The following HNRNPH3 variants were observed in gnomAD, a reference collection of about 807,000 sequenced individuals.
The protein encoded by HNRNPH3 is heterogeneous nuclear ribonucleoprotein H3.
In HNRNPH3, 7 loss-of-function variants were observed where a neutral mutation model predicts 47.0. The observed-to-expected ratio is 0.15, with a 90% CI of 0.08 to 0.28. The LOEUF (loss-of-function observed/expected upper bound fraction) is 0.28. Ranked by LOEUF, HNRNPH3 falls within the 10% of genes least tolerant of loss-of-function variation. The probability of loss-of-function intolerance (pLI) is 1.00; values close to 1 mark genes in which losing one functional copy is unlikely to be tolerated. For synonymous variants in HNRNPH3, 120 were observed against 143.2 expected (o/e 0.84, Z 1.16); for missense variants, 279 against 449.6 (o/e 0.62, Z 3.43).
At chr10:68,339,971 T>G (rs1018028124) in intron 6 of HNRNPH3, among the ~76,000 whole-genome samples, 3 of 152,180 alleles carry the variant, frequency 2.0e-5, no homozygotes, top group African/African-American at 7.2e-5. Flanking sequence ...AATGAAAGAC[T>G]GATCAGCATA....
In HNRNPH3 at chr10:68,337,455, G is replaced by C. The variant is rs1262700861; in HGVS notation, c.112+122G>C. The C allele has an allele frequency of 1.6e-6, 1 of 630,208 alleles. No individual in the cohort carries two copies. Among genetic ancestry groups the C allele is most frequent in the Admixed American group, 3.0e-5 (1 of 33,770 alleles). 39.0% of individuals were successfully genotyped at this position (630,208 alleles called of 1,614,324 possible). A position where few individuals can be genotyped will look rare whatever the true frequency, so the allele number is the denominator to read the frequency against. ...TTTTAAGTTTAACTATGATAGTCTT[G>C]GTTAATGTATTAAAATAATATGCTC... On this transcript the variant is annotated intron_variant, in intron 2 of 9. Coordinates refer to ENST00000265866, the MANE Select transcript of HNRNPH3 (RefSeq NM_012207.3). The surrounding 1 kb of genome is among the most constrained non-coding windows in gnomAD (Gnocchi z 4.5).
intron 1 of HNRNPH3, among the ~76,000 whole-genome samples, chr10:68,333,279 TC>T (rs2045317708): frequency 1.0e-4 from 2 of 19,342 alleles, no homozygotes; most frequent in South Asian, 1.8e-3. Context: ...TTTTGAACTT[TC>T]GGGGTGGGGG....
chr10:68,338,462 C>T (rs2045650946), intron 3 of HNRNPH3, 41 bp from the exon 4 acceptor site: 3 of 1,338,138 alleles, frequency 2.2e-6, no homozygotes, highest in Middle Eastern at 2.1e-4. Context: ...TACACTAATA[C>T]ATTTATGCTG....
In HNRNPH3 at chr10:68,337,890, A is replaced by C; in HGVS notation, c.145A>C (p.Thr49Pro). The C allele has an allele frequency of 6.2e-7, 1 of 1,613,698 alleles. No homozygotes were observed. The highest frequency in any genetic ancestry group is 8.5e-7 in the Non-Finnish European group (1 of 1,179,638). Residue 49 changes from threonine to proline, a missense_variant, in exon 3 of 10, where the codon ACG becomes CCG. Physicochemically the swap from Thr to Pro is conservative, Grantham distance 38. Around this residue, in one of 2 missense-constraint regions of HNRNPH3, gnomAD observed 40 missense variants for 113.8 expected, o/e 0.35. Coordinates refer to ENST00000265866, the MANE Select transcript of HNRNPH3 (RefSeq NM_012207.3). This position sits in a 1 kb window ranked among gnomAD's most constrained non-coding sequence, Gnocchi z 4.5. ...LEIVPNGITL[T>P]MDYQGRSTGE... Reference sequence around the variant, plus strand: ...AATCGTGCCAAATGGGATAACATTGACGATGGACTACCAGGGGAGAAGCAC... The same window carrying C: ...AATCGTGCCAAATGGGATAACATTGCCGATGGACTACCAGGGGAGAAGCAC...
In HNRNPH3 at chr10:68,338,423, A is replaced by G. The variant is rs1388147088; in HGVS notation, c.252-80A>G. On this transcript the variant is annotated intron_variant, in intron 3 of 9. Transcript: ENST00000265866. The stretch of plus-strand genomic sequence containing the variant: ...GGGTTATGTATCTAGATATAGAAAA[A>G]CTTACTGCATTTTGCCCAGTATCTA... 6.9e-5 allele frequency: 55 copies of G among 800,494 alleles called. No individual in the cohort carries two copies. The East Asian group carries it at 1.5e-3, about 21-fold the overall frequency. The allele number at this position is 800,494 out of a possible 1,614,324, so 49.6% of individuals were successfully genotyped here.
At chr10:68,338,194 C>T (rs1306076069) in intron 3 of HNRNPH3, 198 bp downstream of exon 3, 8 of 478,660 alleles carry the variant, frequency 1.7e-5, no homozygotes, top group Non-Finnish European at 2.9e-5. Flanking sequence ...AGATTGTTTC[C>T]ATTTCTCTGT....
At chr10:68,341,041 G>T (rs1024909627) in intron 6 of HNRNPH3, 133 bp from the exon 7 acceptor site, 2 of 608,520 alleles carry the variant, frequency 3.3e-6, no homozygotes, top group African/African-American at 3.8e-5. Flanking sequence ...CAGAACCTCT[G>T]TAGTTGACTA....
rs762273394 is a variant in HNRNPH3, at chr10:68,342,612, G to C, written c.*558G>C. 1 of 152,502 alleles carries C rather than the reference G, an allele frequency of 6.6e-6. No homozygotes were observed. Among genetic ancestry groups the C allele is most frequent in the Non-Finnish European group, 1.5e-5 (1 of 68,040 alleles). 9.4% of individuals were successfully genotyped at this position (152,502 alleles called of 1,614,324 possible). A position where few individuals can be genotyped will look rare whatever the true frequency, so the allele number is the denominator to read the frequency against. Reference sequence around the variant, plus strand: ...TCAGGCATAGCTCTGAAACATTGATGATCTAAGAGGTATTGATTTCTGAAT... The same window carrying C: ...TCAGGCATAGCTCTGAAACATTGATCATCTAAGAGGTATTGATTTCTGAAT... On this transcript the variant is annotated 3_prime_UTR_variant, in exon 10 of 10. Coordinates refer to ENST00000265866, the MANE Select transcript of HNRNPH3 (RefSeq NM_012207.3).
At chr10:68,340,859 G>A (rs1025328996) in intron 6 of HNRNPH3, among the ~76,000 whole-genome samples, 2 of 151,664 alleles carry the variant, frequency 1.3e-5, no homozygotes, top group Non-Finnish European at 2.9e-5. Flanking sequence ...CTGGAGTGCA[G>A]TGGCGTGATC....
rs962056808 is a variant in HNRNPH3, at chr10:68,338,786, T to A, written c.436+99T>A. 3.0e-6 allele frequency: 3 copies of A among 1,010,254 alleles called. No individual in the cohort carries two copies. The Admixed American group carries it at 8.8e-5, about 30-fold the overall frequency. 62.6% of individuals were successfully genotyped at this position (1,010,254 alleles called of 1,614,324 possible). ...AAATGGCAGTAATTTCAGTACCTAT[T>A]AGGTTTTAAAACCTGTTCATGAAAA... is the stretch of plus-strand genomic sequence containing the variant. On this transcript the variant is annotated intron_variant, in intron 4 of 9. Coordinates refer to ENST00000265866, the MANE Select transcript of HNRNPH3 (RefSeq NM_012207.3).
intron 1 of HNRNPH3, among the ~76,000 whole-genome samples, chr10:68,334,856 T>C (rs1375782489): frequency 6.6e-6 from 1 of 152,194 alleles, no homozygotes; most frequent in Non-Finnish European, 1.5e-5. Flanking sequence ...TAGTAAACTG[T>C]TTTAAGTAGT....
chr10:68,339,293 G>A (rs2045708134), intron 5 of HNRNPH3, 67 bp downstream of exon 5: 3 of 1,579,658 alleles, frequency 1.9e-6, no homozygotes, highest in Non-Finnish European at 2.6e-6. Context: ...CAAGCTCTTA[G>A]TGGTAATATA....
rs1486893450 is a variant in HNRNPH3 at position 68,342,576 on chromosome 10, A to G, written c.*522A>G. The G allele has an allele frequency of 2.0e-5, 3 of 152,544 alleles. No individual in the cohort carries two copies. The highest frequency in any genetic ancestry group is 4.4e-5 in the Non-Finnish European group (3 of 68,182). 9.4% of individuals were successfully genotyped at this position (152,544 alleles called of 1,614,324 possible). ...ATTATTTCTATATTATTATTTTTCA[A>G]ATGTCATTTATCAGGCATAGCTCTG... is the stretch of plus-strand genomic sequence containing the variant. On this transcript the variant is annotated 3_prime_UTR_variant, in exon 10 of 10. Coordinates refer to ENST00000265866, the MANE Select transcript of HNRNPH3 (RefSeq NM_012207.3).
chr10:68,331,906 C>T (rs2045118014), upstream of HNRNPH3: 1 of 152,342 alleles, frequency 6.6e-6, no homozygotes, highest in Non-Finnish European at 1.5e-5. Flanking sequence ...TCTACCTCGC[C>T]CCCAACAGCT....
chr10:68,338,160 A>G (rs2045632112), intron 3 of HNRNPH3, 164 bp downstream of exon 3: 1 of 523,580 alleles, frequency 1.9e-6, no homozygotes, highest in South Asian at 3.7e-5. Flanking sequence ...GTGGGGAATT[A>G]ATGCTAATAG....
chr10:68,337,338 C>T lies in HNRNPH3; in HGVS notation c.112+5C>T, dbSNP rs1321871631. Reference sequence around the variant, plus strand: ...AAATAGTTCAGTTCTTTCAAGGTACCTCTAGTATTAGTCAAAGTTTAGTAG... The same window carrying T: ...AAATAGTTCAGTTCTTTCAAGGTACTTCTAGTATTAGTCAAAGTTTAGTAG... On this transcript the variant is annotated splice_donor_5th_base_variant and intron_variant, in intron 2 of 9. Coordinates refer to ENST00000265866, the MANE Select transcript of HNRNPH3 (RefSeq NM_012207.3). The surrounding 1 kb of genome is among the most constrained non-coding windows in gnomAD (Gnocchi z 4.5). 2 of 1,490,050 alleles carry T rather than the reference C, an allele frequency of 1.3e-6. No individual in the cohort carries two copies. The highest frequency in any genetic ancestry group is 4.5e-5 in the East Asian group (2 of 44,324). The allele number at this position is 1,490,050 out of a possible 1,614,324, so 92.3% of individuals were successfully genotyped here.
chr10:68,341,731 C>A, intron 8 of HNRNPH3, 28 bp from the exon 9 acceptor site: 1 of 1,584,414 alleles, frequency 6.3e-7, no homozygotes, highest in Non-Finnish European at 8.6e-7. Flanking sequence ...CGATGAGTCT[C>A]AATTTTTTTT....
chr10:68,338,864 T>C (rs2045670784), intron 4 of HNRNPH3, 177 bp downstream of exon 4: 1 of 543,836 alleles, frequency 1.8e-6, no homozygotes. Flanking sequence ...TATTGGCACC[T>C]AGAAAACTTA....
intron 6 of HNRNPH3, among the ~76,000 whole-genome samples, chr10:68,340,951 G>A (rs936472503): frequency 6.6e-6 from 1 of 152,130 alleles, no homozygotes; most frequent in African/African-American, 2.4e-5. Context: ...ACAGGCGTGA[G>A]CCACTGCGCC....
Sources: gnomAD v4.1 joint callset for allele counts (sites outside exome capture counted in the v4.1 genomes callset) on GRCh38, gnomAD v4.1.1 for gene constraint, gnomAD v4.1.1 regional missense constraint, Gnocchi (gnomAD v3.1) non-coding constraint, MANE v1.5 for transcripts, NCBI Gene and HGNC (gene_info 2026-07-23, HGNC 2026-07-21) for gene names.